The following PCLO variants were observed in gnomAD, a reference collection of about 807,000 sequenced individuals.
PCLO encodes the protein protein piccolo.
PCLO carries 82 observed loss-of-function variants against 427.5 expected under a neutral mutation model. The ratio of observed to expected loss-of-function variants is 0.19; its 90% confidence interval spans 0.16 to 0.23. PCLO has a LOEUF of 0.23. PCLO is among the 10% of genes least tolerant of loss of function. The probability of loss-of-function intolerance (pLI) is 1.00; values close to 1 mark genes in which losing one functional copy is unlikely to be tolerated. For missense variants in PCLO, 6,239 were observed against 6,115.9 expected, an observed-to-expected ratio of 1.02 and a Z score of -0.67; for synonymous variants, 2,357 against 2,155.4, an observed-to-expected ratio of 1.09 and a Z score of -2.59.
chr7:82,846,107 A>G (rs1361948254), intron 12 of PCLO, among the ~76,000 whole-genome samples: 2 of 152,178 alleles, frequency 1.3e-5, no homozygotes, highest in Non-Finnish European at 2.9e-5. Context: ...CTATCTCATC[A>G]TGTACTTATG....
At chr7:82,855,712 C>T (rs994561164) in intron 10 of PCLO, among the ~76,000 whole-genome samples, 3 of 152,074 alleles carry the variant, frequency 2.0e-5, no homozygotes, top group African/African-American at 7.2e-5. Context: ...TTCCCCATCT[C>T]ACTCCCAGAA....
chr7:83,078,681 G>A (rs942382089), intron 3 of PCLO, among the ~76,000 whole-genome samples: 2 of 151,814 alleles, frequency 1.3e-5, no homozygotes, highest in Admixed American at 6.6e-5. Flanking sequence ...ACAGGTGCAC[G>A]CCGCTATGCC....
Position 82,979,921 on chromosome 7 carries a change from C to T in PCLO, c.3301-13434G>A, listed in dbSNP as rs144244075. 3.0e-3 allele frequency among the ~76,000 whole-genome samples: 452 copies of T among 152,242 alleles called. 1 individual carries two copies. Among genetic ancestry groups the T allele is most frequent in the African/African-American group, 0.01 (427 of 41,550 alleles). On this transcript the variant is annotated intron_variant, in intron 3 of 24. Coordinates refer to ENST00000333891, the MANE Select transcript of PCLO (RefSeq NM_033026.6). ...AAGTGAATACTAGTTCACATAAACCCAACTTTGAATAAAGGGCCTAAGTTC... is the reference window on the plus strand; with the variant it reads ...AAGTGAATACTAGTTCACATAAACCTAACTTTGAATAAAGGGCCTAAGTTC...
At chr7:83,060,006 C>G (rs1033068218) in intron 3 of PCLO, among the ~76,000 whole-genome samples, 2 of 152,110 alleles carry the variant, frequency 1.3e-5, no homozygotes, top group Admixed American at 6.6e-5. Flanking sequence ...AGAGTTGCAA[C>G]ATTCATTTTC....
intron 16 of PCLO, among the ~76,000 whole-genome samples, chr7:82,833,136 G>T (rs1443700059): frequency 6.6e-6 from 1 of 151,972 alleles, no homozygotes; most frequent in Admixed American, 6.6e-5. Context: ...ATAAATTTTG[G>T]ACACCATATT....
At chr7:82,761,320 A>C in intron 23 of PCLO, 39 bp downstream of exon 23, 1 of 1,211,242 alleles carries the variant, frequency 8.3e-7, no homozygotes, top group South Asian at 1.5e-5. Context: ...ATCCCTAAAA[A>C]AATCTAGATA....
intron 3 of PCLO, among the ~76,000 whole-genome samples, chr7:82,993,282 A>G (rs771301497): frequency 2.0e-5 from 3 of 152,040 alleles, no homozygotes; most frequent in South Asian, 2.1e-4. Flanking sequence ...TATAGAATAT[A>G]AAAAAGTGAA....
At chr7:82,963,217 T>G (rs759840716) in intron 4 of PCLO, among the ~76,000 whole-genome samples, 9 of 152,084 alleles carry the variant, frequency 5.9e-5, no homozygotes, top group Non-Finnish European at 8.8e-5. Context: ...ATAATGTCAC[T>G]TTGAAAAGTT....
At chr7:82,860,939 A>G (rs13237642) in intron 10 of PCLO, among the ~76,000 whole-genome samples, 1 of 152,068 alleles carries the variant, frequency 6.6e-6, no homozygotes, top group African/African-American at 2.4e-5. Flanking sequence ...CCTCAAGGTA[A>G]CCTCAAACCA....
At chr7:83,126,840 T>G (rs1791450463) in intron 3 of PCLO, among the ~76,000 whole-genome samples, 1 of 152,100 alleles carries the variant, frequency 6.6e-6, no homozygotes, top group Admixed American at 6.6e-5. Context: ...AAAGTTAAAT[T>G]TATGCAACAA....
At position 82,761,373 on chromosome 7, in the gene PCLO, G is replaced by T; in HGVS notation, c.15128C>A (p.Pro5043His). 1 of 1,481,732 alleles carries T rather than the reference G, an allele frequency of 6.7e-7. No homozygotes were observed. 91.8% of individuals were successfully genotyped at this position (1,481,732 alleles called of 1,614,324 possible). A position where few individuals can be genotyped will look rare whatever the true frequency, so the allele number is the denominator to read the frequency against. Reference protein sequence around the residue: ...CRNITYKFKSPDHLPDLYVKI... With the variant: ...CRNITYKFKSHDHLPDLYVKI... ...GAATTAGATACCTGGTAGATGATCA[G>T]GAGACTTAAATTTGTATGTAATATT... Residue 5043 changes from proline to histidine, a missense_variant, in exon 23 of 25, where the codon CCT becomes CAT. This residue lies in a region of PCLO where 877 missense variants were observed against 925.5 expected (regional missense o/e 0.95). Transcript: ENST00000333891.
chr7:82,895,931 C>A (rs1006251925), intron 9 of PCLO, among the ~76,000 whole-genome samples: 1 of 151,760 alleles, frequency 6.6e-6, no homozygotes, highest in African/African-American at 2.4e-5. Flanking sequence ...AAAAATACAG[C>A]CAGGAACACT....
intron 6 of PCLO, among the ~76,000 whole-genome samples, chr7:82,932,272 C>T (rs1584174236): frequency 6.6e-6 from 1 of 152,070 alleles, no homozygotes; most frequent in Non-Finnish European, 1.5e-5. Context: ...AAAGTGGCTG[C>T]TATTTGGATT....
chr7:82,917,080 A>G (rs947176667), intron 6 of PCLO, among the ~76,000 whole-genome samples: 1 of 152,166 alleles, frequency 6.6e-6, no homozygotes, highest in Admixed American at 6.6e-5. Flanking sequence ...TTGGCTAATT[A>G]TAACTCCTAC....
At chr7:82,879,999 T>C (rs1462385971) in intron 9 of PCLO, 3 of 316,918 alleles carry the variant, frequency 9.5e-6, no homozygotes, top group African/African-American at 4.5e-5. Flanking sequence ...CAAGACACGA[T>C]AAAATTATTC....
intron 3 of PCLO, among the ~76,000 whole-genome samples, chr7:83,094,343 G>C (rs1182842731): frequency 6.6e-6 from 1 of 151,664 alleles, no homozygotes; most frequent in Non-Finnish European, 1.5e-5. Context: ...CAAGTAGCTG[G>C]GACTACAGGT....
At chr7:82,776,828 C>CTA (rs1554331155) in intron 22 of PCLO, among the ~76,000 whole-genome samples, 86 of 123,240 alleles carry the variant, frequency 7.0e-4, no homozygotes, top group African/African-American at 2.1e-3. Context: ...CTCTCTCTCT[C>CTA]TATATATACA....
chr7:82,892,325 G>A (rs1322624013), intron 9 of PCLO, among the ~76,000 whole-genome samples: 2 of 152,128 alleles, frequency 1.3e-5, no homozygotes, highest in African/African-American at 4.8e-5. Context: ...AAGAAATGGG[G>A]AAAGGATTCC....
At position 83,038,025 on chromosome 7, in the gene PCLO, A is replaced by ATATATT; in HGVS notation, c.3301-71544_3301-71539dup. 4.1e-5 allele frequency among the ~76,000 whole-genome samples: 2 copies of ATATATT among 49,098 alleles called. 1 individual carries two copies. The highest frequency in any genetic ancestry group is 6.4e-5 in the Non-Finnish European group (2 of 31,442). 32.2% of individuals were successfully genotyped at this position (49,098 alleles called of 152,430 possible). A position where few individuals can be genotyped will look rare whatever the true frequency, so the allele number is the denominator to read the frequency against. On this transcript the variant is annotated intron_variant, in intron 3 of 24. Transcript: ENST00000333891. Reference sequence around the variant, plus strand: ...TATATATATATATATATATATATATATATATTTATATATTTATATATATAT... The same window carrying ATATATT: ...TATATATATATATATATATATATATATATATTTATATTTATATATTTATATATATAT...
Sources: allele counts gnomAD v4.1 joint callset (sites outside exome capture counted in the v4.1 genomes callset), GRCh38; gene constraint gnomAD v4.1.1; regional missense constraint gnomAD v4.1.1; transcripts MANE v1.5; gene names NCBI Gene and HGNC (gene_info 2026-07-23, HGNC 2026-07-21).